GLIS3: variants seen among roughly 807,000 people sequenced by gnomAD.
The protein encoded by GLIS3 is zinc finger protein GLIS3.
A neutral mutation model predicts 78.6 loss-of-function variants in GLIS3; 53 were observed. The ratio of observed to expected loss-of-function variants is 0.67; its 90% CI spans 0.54 to 0.85. GLIS3 has a LOEUF of 0.85. Ranked by LOEUF, GLIS3 falls within the 40% of genes least tolerant of loss-of-function variation. GLIS3 has a pLI of 0.00. For missense variants in GLIS3, 1,703 were observed against 1,231.1 expected (o/e 1.38, Z -5.74); for synonymous variants, 684 against 509.9 (o/e 1.34, Z -4.60).
At chr9:4,034,573 G>T (rs1824149893) in intron 4 of GLIS3, 1 of 152,214 alleles carries the variant, frequency 6.6e-6, no homozygotes, top group Non-Finnish European at 1.5e-5. Flanking sequence ...GGGATTCACA[G>T]AAAGCGGTAT....
At chr9:4,208,919 T>C (rs1343778054) in intron 2 of GLIS3, among the ~76,000 whole-genome samples, 1 of 152,182 alleles carries the variant, frequency 6.6e-6, no homozygotes, top group African/African-American at 2.4e-5. Flanking sequence ...AAAGGCTGTC[T>C]GGATGGGAGG....
chr9:4,122,857 T>C (rs2130901544), intron 3 of GLIS3, among the ~76,000 whole-genome samples: 1 of 152,320 alleles, frequency 6.6e-6, no homozygotes, highest in East Asian at 1.9e-4. Flanking sequence ...ATATATACAA[T>C]GGCCTCTGTA....
At chr9:4,457,878 C>A in the GLIS3 span, among the ~76,000 whole-genome samples, 1 of 151,412 alleles carries the variant, frequency 6.6e-6, no homozygotes, top group Non-Finnish European at 1.5e-5. Flanking sequence ...GCAGAAACTG[C>A]AGTATGATAC....
intron 2 of GLIS3, among the ~76,000 whole-genome samples, chr9:4,260,876 T>C (rs1381488898): frequency 6.6e-6 from 1 of 152,232 alleles, no homozygotes; most frequent in African/African-American, 2.4e-5. Context: ...CCTAAGGCTG[T>C]ACTGTCTAAT....
chr9:3,883,408 T>C (rs895579374), intron 7 of GLIS3, among the ~76,000 whole-genome samples: 4 of 152,212 alleles, frequency 2.6e-5, no homozygotes, highest in African/African-American at 9.7e-5. Flanking sequence ...CACCACAACA[T>C]ATGGTTCCAG....
chr9:4,166,729 T>A (rs1815876383), intron 2 of GLIS3, among the ~76,000 whole-genome samples: 1 of 152,246 alleles, frequency 6.6e-6, no homozygotes, highest in Non-Finnish European at 1.5e-5. Context: ...AAGCAGTTAC[T>A]CTGATGAAGG....
chr9:3,878,305 A>C (rs1042295940), intron 8 of GLIS3, among the ~76,000 whole-genome samples: 11 of 152,106 alleles, frequency 7.2e-5, no homozygotes, highest in Non-Finnish European at 1.6e-4. Flanking sequence ...TGTCCTCACC[A>C]TTCAAACCTG....
intron 2 of GLIS3, among the ~76,000 whole-genome samples, chr9:4,263,107 C>A (rs1053467966): frequency 1.3e-5 from 2 of 152,176 alleles, no homozygotes; most frequent in African/African-American, 2.4e-5. Flanking sequence ...GTAACCCACA[C>A]TGAAATGGCC....
In GLIS3 at chr9:3,849,090, A is replaced by C. The variant is rs562820349; in HGVS notation, c.2473+6919T>G. On this transcript the variant is annotated intron_variant, in intron 9 of 10. Coordinates refer to ENST00000381971, the MANE Select transcript of GLIS3 (RefSeq NM_001042413.2). ...CCTAACGAAATCTAGTAAGTGGTAC[A>C]TGGATGACAGAAATCTCTGTGTTGG... 1.8e-3 allele frequency among the ~76,000 whole-genome samples: 281 copies of C among 152,336 alleles called. 1 individual carries two copies. Among genetic ancestry groups the C allele is most frequent in the Non-Finnish European group, 3.3e-3 (225 of 68,030 alleles).
chr9:4,071,233 G>A (rs1175771280), intron 4 of GLIS3: 2 of 152,118 alleles, frequency 1.3e-5, no homozygotes, highest in African/African-American at 4.8e-5. Context: ...AAATGTCCCA[G>A]CAGATAACTG....
chr9:4,049,765 A>G (rs899749000), intron 4 of GLIS3, among the ~76,000 whole-genome samples: 1 of 151,992 alleles, frequency 6.6e-6, no homozygotes, highest in Non-Finnish European at 1.5e-5. Context: ...AAAACAAACA[A>G]CCCCATCAAA....
intron 9 of GLIS3, among the ~76,000 whole-genome samples, chr9:3,853,271 T>C (rs565130587): frequency 2.2e-4 from 33 of 152,284 alleles, no homozygotes; most frequent in Middle Eastern, 3.4e-3. Flanking sequence ...GACAATACAT[T>C]CATTATTTAA....
intron 4 of GLIS3, among the ~76,000 whole-genome samples, chr9:4,109,292 G>A (rs1422225387): frequency 6.6e-6 from 1 of 152,182 alleles, no homozygotes; most frequent in African/African-American, 2.4e-5. Flanking sequence ...TTTAACTAAT[G>A]GAAAGCTACT....
At chr9:4,013,408 T>C (rs973992929) in intron 4 of GLIS3, among the ~76,000 whole-genome samples, 20 of 152,224 alleles carry the variant, frequency 1.3e-4, no homozygotes, top group African/African-American at 4.6e-4. Context: ...TATGTTAAGA[T>C]TCAAGGTATA....
chr9:4,381,724 T>G, the GLIS3 span, among the ~76,000 whole-genome samples: 1 of 152,220 alleles, frequency 6.6e-6, no homozygotes, highest in African/African-American at 2.4e-5. Context: ...TTCCATCCTG[T>G]CTGTATTGCT....
chr9:3,875,238 A>ATTAGGTGATGTAGT (rs1821237264), intron 8 of GLIS3, among the ~76,000 whole-genome samples: 1 of 152,232 alleles, frequency 6.6e-6, no homozygotes, highest in African/African-American at 2.4e-5. Context: ...TTAGATCAAC[A>ATTAGGTGATGTAGT]TTAGGTGATG....
chr9:4,166,991 G>C (rs746072971), intron 2 of GLIS3, among the ~76,000 whole-genome samples: 36 of 152,370 alleles, frequency 2.4e-4, no homozygotes, highest in Non-Finnish European at 4.7e-4. Flanking sequence ...ATCTCTTTGA[G>C]TGTGAGGGTC....
chr9:3,879,274 A>G (rs1821558499), intron 8 of GLIS3, among the ~76,000 whole-genome samples, 153 bp downstream of exon 8: 1 of 152,230 alleles, frequency 6.6e-6, no homozygotes, highest in African/African-American at 2.4e-5. Flanking sequence ...TATTTGGTCC[A>G]CGTGCTTTGT....
chr9:4,077,952 A>G (rs1828220286), intron 4 of GLIS3, among the ~76,000 whole-genome samples: 3 of 152,128 alleles, frequency 2.0e-5, no homozygotes, highest in Admixed American at 6.5e-5. Context: ...TAGCTATTTT[A>G]TGCAGTCACT....
Sources: allele counts gnomAD v4.1 joint callset (sites outside exome capture counted in the v4.1 genomes callset), GRCh38; gene constraint gnomAD v4.1.1; transcripts MANE v1.5; gene names NCBI Gene and HGNC (gene_info 2026-07-23, HGNC 2026-07-21).